The following SORCS1 variants were observed in gnomAD, a reference collection of about 807,000 sequenced individuals.
SORCS1 encodes sortilin related VPS10 domain containing receptor 1.
Under a neutral mutation model 146.1 loss-of-function variants are expected in SORCS1, and 60 were observed. That is an observed-to-expected ratio of 0.41 (90% CI 0.33 to 0.51). The LOEUF is 0.51. SORCS1 is among the 20% of genes least tolerant of loss of function. The pLI is 0.21. For missense variants in SORCS1, 1,352 were observed against 1,487.6 expected, an observed-to-expected ratio of 0.91 and a Z score of 1.50; for synonymous variants, 637 against 584.0, an observed-to-expected ratio of 1.09 and a Z score of -1.31.
the SORCS1 span, among the ~76,000 whole-genome samples, chr10:107,174,887 T>C: frequency 6.6e-6 from 1 of 152,206 alleles, no homozygotes; most frequent in Non-Finnish European, 1.5e-5. Context: ...ATTATTTCAC[T>C]GTGAAGTATG....
chr10:106,976,331 TTG>T, intron 1 of SORCS1, among the ~76,000 whole-genome samples: 1 of 108,640 alleles, frequency 9.2e-6, no homozygotes, highest in African/African-American at 5.8e-5. Flanking sequence ...CTAGGTTTTT[TTG>T]TTTTTTTTTT....
chr10:106,739,722 C>T (rs1209891146), intron 5 of SORCS1, among the ~76,000 whole-genome samples: 4 of 151,696 alleles, frequency 2.6e-5, no homozygotes, highest in Non-Finnish European at 5.9e-5. Flanking sequence ...GAGGCCGAGT[C>T]GGGCAGATCA....
chr10:106,648,609 G>A (rs1206086731), intron 18 of SORCS1, among the ~76,000 whole-genome samples: 1 of 152,034 alleles, frequency 6.6e-6, no homozygotes, highest in East Asian at 1.9e-4. Flanking sequence ...TTTTCTTTAT[G>A]TGTGAAGAAT....
At chr10:106,667,868 C>T in intron 16 of SORCS1, 66 bp from the exon 17 acceptor site, 1 of 1,072,084 alleles carries the variant, frequency 9.3e-7, no homozygotes, top group Non-Finnish European at 1.4e-6. Context: ...AATTCTACAT[C>T]AGTCCACAGC....
chr10:106,586,376 G>A lies in SORCS1; in HGVS notation c.3266-6902C>T, dbSNP rs61290866. ...TGTCCTATGTTCTGGCATCTTGTCT[G>A]TATTTTATATGTGTTATCCTTCCCC... is the stretch of plus-strand genomic sequence containing the variant. On this transcript the variant is annotated intron_variant, in intron 24 of 25. Transcript: ENST00000263054. Among the ~76,000 whole-genome samples the A allele has an allele frequency of 7.8e-3, 1,178 of 151,924 alleles. 15 individuals are homozygous for A. Among genetic ancestry groups the A allele is most frequent in the African/African-American group, 0.027 (1,119 of 41,432 alleles).
chr10:107,049,296 C>T (rs1959862623), intron 1 of SORCS1, among the ~76,000 whole-genome samples: 1 of 145,012 alleles, frequency 6.9e-6, no homozygotes, highest in Non-Finnish European at 1.5e-5. Flanking sequence ...GGAGGGATAG[C>T]ATTAGGAGAT....
Position 106,577,539 on chromosome 10 carries a change from A to AGGGTGGGGT in SORCS1, c.3387_3388insACCCCACCC (p.Pro1129_Ser1130insThrProPro). On this transcript the variant is annotated inframe_insertion, in exon 26 of 26. Transcript: ENST00000263054. Reference sequence around the variant, plus strand: ...GGTTGAGTAGAAGGGGAGGGAGGGGAGGGTAAAGCTACTCTCCTAAGAGAA... The same window carrying AGGGTGGGGT: ...GGTTGAGTAGAAGGGGAGGGAGGGGAGGGTGGGGTGGGTAAAGCTACTCTCCTAAGAGAA... 2 of 924,440 alleles carry AGGGTGGGGT rather than the reference A, an allele frequency of 2.2e-6. No homozygotes were observed. Among genetic ancestry groups the AGGGTGGGGT allele is most frequent in the Non-Finnish European group, 3.4e-6 (2 of 595,416 alleles). The allele number at this position is 924,440 out of a possible 1,614,324, so 57.3% of individuals were successfully genotyped here.
At chr10:107,039,770 TTAAA>T (rs1468955352) in intron 1 of SORCS1, among the ~76,000 whole-genome samples, 1 of 152,106 alleles carries the variant, frequency 6.6e-6, no homozygotes, top group Non-Finnish European at 1.5e-5. Context: ...TAACCGAAGG[TTAAA>T]TAAACATTTC....
At chr10:106,727,425 T>C (rs1234653175) in intron 6 of SORCS1, among the ~76,000 whole-genome samples, 1 of 152,208 alleles carries the variant, frequency 6.6e-6, no homozygotes, top group East Asian at 1.9e-4. Context: ...GTGTTCACAG[T>C]GCACTACAGT....
rs1851581214 is a variant in SORCS1 at position 106,671,298 on chromosome 10, C to G, written c.2128G>C (p.Gly710Arg). Residue 710 changes from glycine to arginine, a missense_variant, in exon 16 of 26, where the codon GGA (glycine) becomes CGA (arginine). By Grantham distance (125) the Gly-to-Arg change is moderately radical (BLOSUM62 -2). Coordinates refer to ENST00000263054, the MANE Select transcript of SORCS1 (RefSeq NM_052918.5). ...KRKSERKCMQGKYAGAMESEP... is the reference protein window; with the variant it reads ...KRKSERKCMQRKYAGAMESEP... ...GATTCCATAGCTCCTGCATATTTTC[C>G]TTGCATACACTTCCGCTCTGATTTT... 6.2e-7 allele frequency: 1 copy of G among 1,614,034 alleles called. No homozygotes were observed. Among genetic ancestry groups the G allele is most frequent in the Non-Finnish European group, 8.5e-7 (1 of 1,180,014 alleles).
chr10:106,877,855 T>C (rs2137668106), intron 2 of SORCS1, among the ~76,000 whole-genome samples: 1 of 152,254 alleles, frequency 6.6e-6, no homozygotes, highest in South Asian at 2.1e-4. Flanking sequence ...TCTTCCATAA[T>C]ACCTGGCAGG....
intron 3 of SORCS1, among the ~76,000 whole-genome samples, chr10:106,797,513 G>A (rs1946630645): frequency 6.9e-6 from 1 of 145,898 alleles, no homozygotes; most frequent in Non-Finnish European, 1.6e-5. Context: ...CTCTTGCTGA[G>A]GAGTTGCTTT....
intron 3 of SORCS1, among the ~76,000 whole-genome samples, chr10:106,804,493 A>T (rs1947069196): frequency 6.6e-6 from 1 of 152,018 alleles, no homozygotes; most frequent in Non-Finnish European, 1.5e-5. Context: ...AAATTAAAAC[A>T]AACACACACA....
intron 1 of SORCS1, among the ~76,000 whole-genome samples, chr10:106,974,242 C>T (rs372788743): frequency 3.9e-5 from 6 of 152,220 alleles, no homozygotes; most frequent in African/African-American, 1.4e-4. Flanking sequence ...TCCTTGGGGT[C>T]TTCAGACAAC....
intron 1 of SORCS1, among the ~76,000 whole-genome samples, chr10:107,017,260 C>A (rs909782343): frequency 6.6e-6 from 1 of 152,102 alleles, no homozygotes; most frequent in Non-Finnish European, 1.5e-5. Flanking sequence ...CACCCATAAA[C>A]CATGAAACTG....
At chr10:106,989,697 T>TTTTG (rs1187987319) in intron 1 of SORCS1, among the ~76,000 whole-genome samples, 1 of 141,642 alleles carries the variant, frequency 7.1e-6, no homozygotes, top group African/African-American at 2.7e-5. Context: ...TTTTTTTTTT[T>TTTTG]TTTTTCTGAG....
chr10:107,174,756 T>C, the SORCS1 span, among the ~76,000 whole-genome samples: 40 of 152,256 alleles, frequency 2.6e-4, no homozygotes, highest in African/African-American at 8.4e-4. Flanking sequence ...TTGAAATATA[T>C]CTACCATTGA....
intron 1 of SORCS1, among the ~76,000 whole-genome samples, chr10:106,965,153 G>A (rs991059033): frequency 2.0e-5 from 3 of 151,938 alleles, no homozygotes; most frequent in African/African-American, 7.3e-5. Flanking sequence ...CCTCATGTTT[G>A]CAAAGTGGTC....
At chr10:107,096,858 A>G (rs952024761) in intron 1 of SORCS1, among the ~76,000 whole-genome samples, 4 of 151,962 alleles carry the variant, frequency 2.6e-5, no homozygotes, top group African/African-American at 9.7e-5. Context: ...CGGATCATCA[A>G]CTCACTCTTA....
Sources: allele counts gnomAD v4.1 joint callset (sites outside exome capture counted in the v4.1 genomes callset), GRCh38; gene constraint gnomAD v4.1.1; transcripts MANE v1.5; gene names NCBI Gene and HGNC (gene_info 2026-07-23, HGNC 2026-07-21).